Variants in SLC44A3 observed in about 807,000 individuals in gnomAD.
SLC44A3 encodes the protein choline transporter-like protein 3.
In SLC44A3, 74 loss-of-function variants were observed where a neutral mutation model predicts 75.4. The observed-to-expected ratio is 0.98, with a 90% CI of 0.81 to 1.19. The LOEUF (loss-of-function observed/expected upper bound fraction) is 1.19, where lower values mean the gene tolerates loss of function less well. Among genes scored for constraint, SLC44A3 ranks in the 50% most tolerant of loss-of-function variants. The pLI is 0.00. For synonymous variants in SLC44A3, 310 were observed against 296.9 expected, an observed-to-expected ratio of 1.04 and a Z score of -0.45; for missense variants, 700 against 778.6, an observed-to-expected ratio of 0.90 and a Z score of 1.20.
intron 12 of SLC44A3, among the ~76,000 whole-genome samples, chr1:94,886,966 T>C (rs530951936): frequency 6.2e-4 from 95 of 152,136 alleles, no homozygotes; most frequent in Middle Eastern, 3.4e-3. Flanking sequence ...GCTAAAGAAG[T>C]ATGCACACTG....
chr1:94,864,863 C>T lies in SLC44A3; in HGVS notation c.1359C>T (p.Ile453=). 6.2e-7 allele frequency: 1 copy of T among 1,613,998 alleles called. No individual in the cohort carries two copies. The highest frequency in any genetic ancestry group is 8.5e-7 in the Non-Finnish European group (1 of 1,179,926). The change falls in exon 11 of 15, where the codon ATC becomes ATT. Residue 453 remains isoleucine (I), a synonymous_variant. Transcript: ENST00000271227. ...TCTCTGTGGTGAGGATTCCGAGAAT[C>T]ATTGTCATGTACATGCAAAACGCAC... is the stretch of plus-strand genomic sequence containing the variant. The part of the protein sequence containing the change: ...FLISVVRIPR[I]IVMYMQNALK...
intron 12 of SLC44A3, among the ~76,000 whole-genome samples, chr1:94,874,321 C>G (rs945329676): frequency 6.6e-6 from 1 of 152,226 alleles, no homozygotes; most frequent in African/African-American, 2.4e-5. Flanking sequence ...AGCAGCCTCT[C>G]TGGAGCCTAG....
intron 5 of SLC44A3, among the ~76,000 whole-genome samples, chr1:94,829,898 A>G (rs916317741): frequency 6.6e-6 from 1 of 152,246 alleles, no homozygotes; most frequent in Non-Finnish European, 1.5e-5. Context: ...GTCCTTACAT[A>G]TATAAAACAA....
intron 12 of SLC44A3, among the ~76,000 whole-genome samples, chr1:94,870,756 C>T (rs778801550): frequency 1.1e-4 from 17 of 152,210 alleles, no homozygotes; most frequent in Admixed American, 1.0e-3. Context: ...AATCTCAGCT[C>T]ACTGCAACCT....
chr1:94,878,097 G>A (rs1668504647), intron 12 of SLC44A3, among the ~76,000 whole-genome samples: 3 of 152,090 alleles, frequency 2.0e-5, no homozygotes, highest in Admixed American at 2.0e-4. Context: ...AGCCGGGCGA[G>A]GTGGCGGGCG....
At chr1:94,845,538 T>C (rs1571252133) in intron 9 of SLC44A3, 74 bp downstream of exon 9, 1 of 1,418,318 alleles carries the variant, frequency 7.1e-7, no homozygotes, top group Admixed American at 2.3e-5. Flanking sequence ...CACTGGCCTG[T>C]TTCTGTAGGC....
At chr1:94,827,406 A>C in intron 3 of SLC44A3, 101 bp from the exon 4 acceptor site, 1 of 1,425,580 alleles carries the variant, frequency 7.0e-7, no homozygotes, top group Non-Finnish European at 9.8e-7. Flanking sequence ...TGCCTGGGTG[A>C]TCCCTGCATT....
At chr1:94,889,626 C>A (rs969684464) in intron 12 of SLC44A3, among the ~76,000 whole-genome samples, 1 of 151,764 alleles carries the variant, frequency 6.6e-6, no homozygotes, top group East Asian at 1.9e-4. Context: ...ATCAGGAAAT[C>A]AAGAGTTCAT....
chr1:94,857,249 C>A, intron 9 of SLC44A3, 86 bp from the exon 10 acceptor site: 1 of 1,364,172 alleles, frequency 7.3e-7, no homozygotes, highest in Non-Finnish European at 9.8e-7. Context: ...TGCCAAAGGC[C>A]AAGCATAAAG....
intron 12 of SLC44A3, among the ~76,000 whole-genome samples, chr1:94,885,945 G>C (rs769385814): frequency 6.6e-6 from 1 of 152,218 alleles, no homozygotes; most frequent in African/African-American, 2.4e-5. Flanking sequence ...GCTATCATTA[G>C]GTCTGTGCCA....
intron 9 of SLC44A3, chr1:94,855,500 T>A (rs1438590367): frequency 6.6e-6 from 1 of 152,216 alleles, no homozygotes; most frequent in Non-Finnish European, 1.5e-5. Flanking sequence ...GAATTGGGAA[T>A]GTTTCCTGAA....
chr1:94,860,659 A>G lies in SLC44A3; in HGVS notation c.1238+3159A>G, dbSNP rs1048357818. ...TAGTGAAAGATTATTTCCAACCTAGAATTGTATAGCCAGTCTATACCTAGT... is the reference window on the plus strand; with the variant it reads ...TAGTGAAAGATTATTTCCAACCTAGGATTGTATAGCCAGTCTATACCTAGT... On this transcript the variant is annotated intron_variant, in intron 10 of 14. Coordinates refer to ENST00000271227, the MANE Select transcript of SLC44A3 (RefSeq NM_001114106.3). Among the ~76,000 whole-genome samples the G allele has an allele frequency of 2.0e-5, 3 of 152,240 alleles. No homozygotes were observed. The South Asian group carries it at 6.2e-4, about 31-fold the overall frequency.
In SLC44A3 at chr1:94,892,359, CCT is replaced by C. The variant is rs759285141; in HGVS notation, c.1702_1703del (p.Leu568ValfsTer13). 34 of 1,613,968 alleles carry C rather than the reference CCT, an allele frequency of 2.1e-5. 1 individual carries two copies. In the Middle Eastern group the frequency reaches 4.9e-4, roughly 23 times the overall value. On this transcript the variant is annotated frameshift_variant, in exon 14 of 15. Transcript: ENST00000271227. LOFTEE classifies it high-confidence loss of function. ...TCGGGCATTCCAGGTGTGGGCAGTC[CCT>C]CTGTTATTGGTAGCTTTTTTTGCCT... ...YNRAFQVWAV[P>X]LLLVAFFAYL...
intron 12 of SLC44A3, among the ~76,000 whole-genome samples, chr1:94,890,678 T>C (rs531353214): frequency 5.9e-5 from 9 of 152,154 alleles, no homozygotes; most frequent in African/African-American, 2.4e-5. Flanking sequence ...TCAAACTCTA[T>C]TGTGCATTAA....
chr1:94,864,934 G>T, intron 11 of SLC44A3, 35 bp downstream of exon 11: 1 of 1,598,462 alleles, frequency 6.3e-7, no homozygotes, highest in Non-Finnish European at 8.5e-7. Flanking sequence ...CACGTTCTGT[G>T]TTTGGGTTGC....
intron 12 of SLC44A3, among the ~76,000 whole-genome samples, chr1:94,874,911 G>A (rs1557873209): frequency 6.6e-6 from 1 of 152,194 alleles, no homozygotes; most frequent in Non-Finnish European, 1.5e-5. Context: ...GAATAATTGT[G>A]AGATGTAAGA....
intron 5 of SLC44A3, among the ~76,000 whole-genome samples, chr1:94,834,633 C>T (rs1036820842): frequency 2.0e-5 from 3 of 151,996 alleles, no homozygotes; most frequent in Non-Finnish European, 4.4e-5. Context: ...TACAGGCACC[C>T]ACCACGACAC....
intron 9 of SLC44A3, among the ~76,000 whole-genome samples, chr1:94,855,082 G>A (rs1388012604): frequency 6.6e-6 from 1 of 152,146 alleles, no homozygotes; most frequent in Non-Finnish European, 1.5e-5. Context: ...TTGGGGGAAT[G>A]CCAAATAATG....
Position 94,853,157 on chromosome 1 carries a change from GA to G in SLC44A3, c.1073-4175del, listed in dbSNP as rs1230992631. Among the ~76,000 whole-genome samples, 5 of 152,308 alleles carry G rather than the reference GA, an allele frequency of 3.3e-5. No individual in the cohort carries two copies. In the East Asian group the frequency reaches 9.7e-4, roughly 29 times the overall value. On this transcript the variant is annotated intron_variant, in intron 9 of 14. Coordinates refer to ENST00000271227, the MANE Select transcript of SLC44A3 (RefSeq NM_001114106.3). ...TGAGGGAGAACAAACAGAGAAGACT[GA>G]AAGGGAGTGACCAGTGGGTCGAAGG...
Sources: gnomAD v4.1 joint callset for allele counts (sites outside exome capture counted in the v4.1 genomes callset) on GRCh38, gnomAD v4.1.1 for gene constraint, MANE v1.5 for transcripts, NCBI Gene and HGNC (gene_info 2026-07-23, HGNC 2026-07-21) for gene names.